The following LCORL variants were observed in gnomAD, a reference collection of about 807,000 sequenced individuals.
The protein encoded by LCORL is ligand-dependent nuclear receptor corepressor-like protein.
Under a neutral mutation model 141.8 loss-of-function variants are expected in LCORL, and 41 were observed. The ratio of observed to expected loss-of-function variants is 0.29; its 90% CI spans 0.23 to 0.38. The LOEUF is 0.38. Among genes scored for constraint, LCORL ranks in the 10% least tolerant of loss-of-function variants. The pLI, the probability that LCORL is intolerant of heterozygous loss-of-function variation, is 1.00. For missense variants in LCORL, 1,759 were observed against 2,035.0 expected, an observed-to-expected ratio of 0.86 and a Z score of 2.61; for synonymous variants, 618 against 694.1, an observed-to-expected ratio of 0.89 and a Z score of 1.72.
chr4:18,008,702 C>T (rs940146704), intron 1 of LCORL, among the ~76,000 whole-genome samples: 4 of 151,980 alleles, frequency 2.6e-5, no homozygotes, highest in Admixed American at 2.6e-4. Context: ...GCCTAACACA[C>T]GGTAAGCACT....
chr4:17,921,329 G>A (rs557631709), intron 4 of LCORL, among the ~76,000 whole-genome samples: 2 of 152,174 alleles, frequency 1.3e-5, no homozygotes, highest in South Asian at 2.1e-4. Context: ...GCACCCAACC[G>A]AATCAGTAAT....
intron 2 of LCORL, among the ~76,000 whole-genome samples, chr4:17,966,597 T>A (rs1714931486): frequency 6.6e-6 from 1 of 152,158 alleles, no homozygotes; most frequent in African/African-American, 2.4e-5. Flanking sequence ...TGTCTTCACT[T>A]ACTCTACGAA....
chr4:17,993,304 G>A (rs531042107), intron 1 of LCORL, among the ~76,000 whole-genome samples: 2 of 152,138 alleles, frequency 1.3e-5, no homozygotes, highest in Non-Finnish European at 2.9e-5. Flanking sequence ...TCGGGTTCAA[G>A]CAATTCTCCT....
chr4:17,881,861 G>C (rs1727611193), intron 6 of LCORL: 1 of 983,844 alleles, frequency 1.0e-6, no homozygotes, highest in South Asian at 4.7e-5. Context: ...TGGGGGAAGG[G>C]GGAAATATAC....
intron 1 of LCORL, among the ~76,000 whole-genome samples, chr4:17,987,088 T>A (rs1054745629): frequency 3.9e-5 from 6 of 152,292 alleles, no homozygotes; most frequent in Non-Finnish European, 8.8e-5. Context: ...TGGAATTAAT[T>A]TTCTTATAAA....
At chr4:17,893,175 CT>C (rs1285510569) in intron 5 of LCORL, 1 of 162,406 alleles carries the variant, frequency 6.2e-6, no homozygotes, top group Non-Finnish European at 1.3e-5. Context: ...GTATCTTCTT[CT>C]GGTCACCACC....
chr4:17,883,117 C>T, intron 6 of LCORL: 1 of 974,686 alleles, frequency 1.0e-6, no homozygotes, highest in South Asian at 4.7e-5. Context: ...TTATACATAT[C>T]CTTTAAGGTT....
intron 4 of LCORL, among the ~76,000 whole-genome samples, chr4:17,944,562 A>G (rs1184777576): frequency 6.6e-6 from 1 of 152,054 alleles, no homozygotes; most frequent in Admixed American, 6.6e-5. Context: ...GTGTTCCCAT[A>G]CTTTTTTTTG....
chr4:18,006,451 T>C (rs535224051), intron 1 of LCORL, among the ~76,000 whole-genome samples: 27 of 152,304 alleles, frequency 1.8e-4, no homozygotes, highest in African/African-American at 6.0e-4. Flanking sequence ...CAGGTATTTT[T>C]TCAGCAGTGC....
intron 4 of LCORL, among the ~76,000 whole-genome samples, chr4:17,961,199 G>A (rs1713716813): frequency 6.6e-6 from 1 of 151,918 alleles, no homozygotes; most frequent in Non-Finnish European, 1.5e-5. Context: ...TTAATCCAAA[G>A]GTCCAGGTGG....
At chr4:17,883,659 T>TAC (rs914115859) in intron 6 of LCORL, 3 of 1,433,734 alleles carry the variant, frequency 2.1e-6, no homozygotes, top group South Asian at 3.0e-5. Context: ...CCTGTGCACA[T>TAC]ACACACACAC....
At chr4:17,922,135 C>T (rs545139734) in intron 4 of LCORL, among the ~76,000 whole-genome samples, 17 of 152,164 alleles carry the variant, frequency 1.1e-4, no homozygotes, top group Admixed American at 5.9e-4. Flanking sequence ...TCAATAAACT[C>T]CCTTTCATAT....
chr4:17,886,655 G>A (rs181424731), intron 5 of LCORL, among the ~76,000 whole-genome samples: 27 of 152,054 alleles, frequency 1.8e-4, no homozygotes, highest in African/African-American at 5.3e-4. Flanking sequence ...GTATTTTCTA[G>A]AACTCATAGT....
At chr4:18,011,395 A>G (rs1178753552) in intron 1 of LCORL, among the ~76,000 whole-genome samples, 4 of 151,978 alleles carry the variant, frequency 2.6e-5, no homozygotes, top group Admixed American at 2.0e-4. Flanking sequence ...AATGAAAATA[A>G]GCTGACTTAT....
At chr4:17,966,873 C>G (rs1714986352) in intron 2 of LCORL, among the ~76,000 whole-genome samples, 2 of 152,114 alleles carry the variant, frequency 1.3e-5, no homozygotes, top group Admixed American at 6.6e-5. Flanking sequence ...TGAAGATACC[C>G]TTACAGTTTC....
At chr4:17,976,266 T>C (rs1716946334) in intron 1 of LCORL, among the ~76,000 whole-genome samples, 1 of 152,208 alleles carries the variant, frequency 6.6e-6, no homozygotes, top group African/African-American at 2.4e-5. Context: ...AATGTATTTA[T>C]TAAAATAGTT....
intron 5 of LCORL, among the ~76,000 whole-genome samples, chr4:17,901,701 A>G (rs1462380355): frequency 6.6e-6 from 1 of 152,130 alleles, no homozygotes; most frequent in Non-Finnish European, 1.5e-5. Flanking sequence ...TACAAACTTA[A>G]TAGCAGTAGA....
chr4:17,912,364 C>A (rs531793000), intron 4 of LCORL: 2 of 661,296 alleles, frequency 3.0e-6, no homozygotes, highest in Non-Finnish European at 5.7e-6. Flanking sequence ...AGTAAAAGGC[C>A]TACAAGCCCA....
chr4:17,882,195 G>A, intron 6 of LCORL: 1 of 984,374 alleles, frequency 1.0e-6, no homozygotes, highest in South Asian at 4.7e-5. Flanking sequence ...ACAAACACAA[G>A]TGTAAAAACA....
Sources: gnomAD v4.1 joint callset for allele counts (sites outside exome capture counted in the v4.1 genomes callset) on GRCh38, gnomAD v4.1.1 for gene constraint, MANE v1.5 for transcripts, NCBI Gene and HGNC (gene_info 2026-07-23, HGNC 2026-07-21) for gene names.